ABCC3: variants seen among roughly 807,000 people sequenced by gnomAD.
ABCC3 encodes ATP-binding cassette sub-family C member 3.
A neutral mutation model predicts 165.3 loss-of-function variants in ABCC3; 121 were observed. That is an observed-to-expected ratio of 0.73 (90% CI 0.63 to 0.85). ABCC3 has a LOEUF of 0.85. ABCC3 is among the 40% of genes least tolerant of loss of function. The probability of loss-of-function intolerance (pLI) is 0.00; values close to 1 mark genes in which losing one functional copy is unlikely to be tolerated. For missense variants in ABCC3, 1,869 were observed against 1,964.1 expected (o/e 0.95, Z 0.92); for synonymous variants, 733 against 810.1 (o/e 0.90, Z 1.62).
intron 8 of ABCC3, 39 bp from the exon 9 acceptor site, chr17:50,663,642 G>C (rs776318080): frequency 6.2e-7 from 1 of 1,607,166 alleles, no homozygotes; most frequent in Admixed American, 1.7e-5. Context: ...CAGCCATGGG[G>C]GCAGCACTGC....
chr17:50,676,063 G>T lies in ABCC3; in HGVS notation c.3040G>T (p.Val1014Phe), dbSNP rs750087743. 19 of 1,614,094 alleles carry T rather than the reference G, an allele frequency of 1.2e-5. No homozygotes were observed. Among genetic ancestry groups the T allele is most frequent in the Non-Finnish European group, 1.5e-5 (18 of 1,180,048 alleles). ...GAACAACACTTCCCTGAGGCTGGGC[G>T]TCTATGCTGCTTTAGGAATTCTGCA... ...RQNNTSLRLG[V>F]YAALGILQGF... Residue 1014 changes from valine (V) to phenylalanine (F), a missense_variant, in exon 22 of 31, where the codon GTC (valine) becomes TTC (phenylalanine). Coordinates refer to ENST00000285238, the MANE Select transcript of ABCC3 (RefSeq NM_003786.4).
chr17:50,649,194 G>T (rs917665623), intron 1 of ABCC3, among the ~76,000 whole-genome samples: 10 of 151,860 alleles, frequency 6.6e-5, no homozygotes, highest in Non-Finnish European at 1.3e-4. Flanking sequence ...ATTTAGCAGA[G>T]TTTATCTGAG....
chr17:50,657,258 C>A, intron 4 of ABCC3, 75 bp downstream of exon 4: 1 of 1,559,510 alleles, frequency 6.4e-7, no homozygotes, highest in Non-Finnish European at 8.7e-7. Flanking sequence ...AAAGTCACTG[C>A]TGGGTCCCAG....
chr17:50,685,023 GC>G, intron 29 of ABCC3, 148 bp downstream of exon 29: 1 of 910,622 alleles, frequency 1.1e-6, no homozygotes, highest in Non-Finnish European at 1.6e-6. Flanking sequence ...TATTCCGTGT[GC>G]CAGGCATGGT....
At chr17:50,674,026 C>T (rs796434109) in intron 19 of ABCC3, among the ~76,000 whole-genome samples, 2,012 of 5,538 alleles carry the variant, frequency 0.36, 850 homozygotes, top group Middle Eastern at 0.5. Context: ...CTCTCTCTCT[C>T]TCTCTCTCTC....
At chr17:50,640,177 A>C (rs182318080) in intron 1 of ABCC3, among the ~76,000 whole-genome samples, 2 of 152,348 alleles carry the variant, frequency 1.3e-5, no homozygotes, top group East Asian at 3.9e-4. Flanking sequence ...GAATAATTGC[A>C]AAAAGCAGGT....
At chr17:50,685,379 C>T (rs888786616) in intron 29 of ABCC3, among the ~76,000 whole-genome samples, 1 of 152,184 alleles carries the variant, frequency 6.6e-6, no homozygotes, top group African/African-American at 2.4e-5. Flanking sequence ...TCTGTGCCTA[C>T]TTTTCTTTCA....
In ABCC3 at chr17:50,661,050, C is replaced by T. The variant is rs1465037307; in HGVS notation, c.934C>T (p.Leu312Phe). The change falls in exon 8 of 31, where the codon CTC becomes TTC. Residue 312 changes from leucine to phenylalanine, a missense_variant. Leu to Phe is a conservative substitution (Grantham distance 22). Transcript: ENST00000285238. ...GCTGGCCACCTTCGGCTCCAGCTTC[C>T]TCATCAGTGCCTGCTTCAAGCTTAT... Reference protein sequence around the residue: ...ALLATFGSSFLISACFKLIQD... With the variant: ...ALLATFGSSFFISACFKLIQD... 1 of 1,614,244 alleles carries T rather than the reference C, an allele frequency of 6.2e-7. No homozygotes were observed. Among genetic ancestry groups the T allele is most frequent in the Non-Finnish European group, 8.5e-7 (1 of 1,180,036 alleles).
chr17:50,656,026 C>G lies in ABCC3; in HGVS notation c.222+18C>G, dbSNP rs1306665795. 1 of 1,608,968 alleles carries G rather than the reference C, an allele frequency of 6.2e-7. No homozygotes were observed. Among genetic ancestry groups the G allele is most frequent in the Non-Finnish European group, 8.5e-7 (1 of 1,176,566 alleles). ...TCAAGATGGTCAGTGGCTCAGGGAT[C>G]TCCTACCGATGGGGCTGGGCCCTGG... is the stretch of plus-strand genomic sequence containing the variant. On this transcript the variant is annotated intron_variant, in intron 2 of 30. Coordinates refer to ENST00000285238, the MANE Select transcript of ABCC3 (RefSeq NM_003786.4).
At chr17:50,641,227 C>G (rs140081563) in intron 1 of ABCC3, among the ~76,000 whole-genome samples, 1 of 152,218 alleles carries the variant, frequency 6.6e-6, no homozygotes, top group Non-Finnish European at 1.5e-5. Flanking sequence ...CCTTATCAGC[C>G]CCATCCAGCT....
At chr17:50,686,635 T>C (rs1181427398) in intron 29 of ABCC3, among the ~76,000 whole-genome samples, 1 of 151,994 alleles carries the variant, frequency 6.6e-6, no homozygotes. Flanking sequence ...CCCCAGAGCA[T>C]GCCCCACCCC....
chr17:50,663,854 G>C lies in ABCC3; in HGVS notation c.1172G>C (p.Arg391Thr). The C allele has an allele frequency of 6.2e-7, 1 of 1,614,206 alleles. No individual in the cohort carries two copies. The highest frequency in any genetic ancestry group is 8.5e-7 in the Non-Finnish European group (1 of 1,180,042). ...ACTGGGATCATGGGTGTCATCTACA[G>C]GAAGGTCAGCTGGAGCAGGGCCCAG... ...FRTGIMGVIY[R>T]KALVITNSVK... The change falls in exon 9 of 31, where the codon AGG (arginine) becomes ACG (threonine). Residue 391 changes from arginine (R) to threonine (T), a missense_variant. Transcript: ENST00000285238.
In ABCC3 at chr17:50,653,344, CAAA is replaced by C. The variant is rs1298179994; in HGVS notation, c.46-2471_46-2469del. On this transcript the variant is annotated intron_variant, in intron 1 of 30. Transcript: ENST00000285238. ...GTGGGGGCCAAGAGCGAGACTGTCT[CAAA>C]AAAAAAAAAAAAAAAAGAAAAAGAA... Among the ~76,000 whole-genome samples the C allele has an allele frequency of 1.3e-4, 6 of 47,758 alleles. No individual in the cohort carries two copies. In the East Asian group the frequency reaches 2.3e-3, roughly 18 times the overall value. The allele number at this position is 47,758 out of a possible 152,430, so 31.3% of individuals were successfully genotyped here.
In ABCC3 at chr17:50,668,027, TG is replaced by T; in HGVS notation, c.1782+23del. Reference sequence around the variant, plus strand: ...TGACTCAGGTAACCCTGGGTAGGGCTGGGGGCTCTACTGGAGTTGGAACAGG... The same window carrying T: ...TGACTCAGGTAACCCTGGGTAGGGCTGGGGCTCTACTGGAGTTGGAACAGG... On this transcript the variant is annotated intron_variant, in intron 13 of 30. Transcript: ENST00000285238. 1 of 1,607,350 alleles carries T rather than the reference TG, an allele frequency of 6.2e-7. No homozygotes were observed. The highest frequency in any genetic ancestry group is 8.5e-7 in the Non-Finnish European group (1 of 1,174,142).
intron 8 of ABCC3, chr17:50,663,306 T>C (rs1032437624): frequency 1.7e-5 from 4 of 241,940 alleles, no homozygotes; most frequent in Non-Finnish European, 2.4e-5. Flanking sequence ...TGTGGTCATG[T>C]GGCGGAATCT....
chr17:50,682,134 G>C (rs1325303764), intron 26 of ABCC3, among the ~76,000 whole-genome samples: 1 of 152,062 alleles, frequency 6.6e-6, no homozygotes, highest in Non-Finnish European at 1.5e-5. Context: ...GGCTCCACAG[G>C]AATAGTCACA....
In ABCC3 at chr17:50,655,416, AAAAAACAAAAAC is replaced by A. The variant is rs1967213008; in HGVS notation, c.46-410_46-399del. Among the ~76,000 whole-genome samples the A allele has an allele frequency of 3.4e-5, 5 of 148,842 alleles. No individual in the cohort carries two copies. In the South Asian group the frequency reaches 8.5e-4, roughly 25 times the overall value. ...TGAGACTCTGTCTCAAAAAAAAAAA[AAAAAACAAAAAC>A]AAAAAAAAAAGAGTGGGAATCCAGA... On this transcript the variant is annotated intron_variant, in intron 1 of 30. Transcript: ENST00000285238.
chr17:50,669,574 C>A, intron 17 of ABCC3, 46 bp downstream of exon 17: 1 of 1,587,628 alleles, frequency 6.3e-7, no homozygotes, highest in Non-Finnish European at 8.6e-7. Context: ...CATAGAGCTG[C>A]CCACCTCAAC....
chr17:50,640,402 C>G (rs1012823611), intron 1 of ABCC3, among the ~76,000 whole-genome samples: 2 of 152,252 alleles, frequency 1.3e-5, no homozygotes, highest in Non-Finnish European at 2.9e-5. Context: ...TGGCCCACAG[C>G]AGGAGCTCAG....
Sources: allele counts gnomAD v4.1 joint callset (sites outside exome capture counted in the v4.1 genomes callset), GRCh38; gene constraint gnomAD v4.1.1; transcripts MANE v1.5; gene names NCBI Gene and HGNC (gene_info 2026-07-23, HGNC 2026-07-21).